The following NETO2 variants were observed in gnomAD, a reference collection of about 807,000 sequenced individuals.
NETO2 encodes neuropilin and tolloid like 2, also known as neuropilin and tolloid-like protein 2.
A neutral mutation model predicts 62.5 loss-of-function variants in NETO2; 28 were observed. That is an observed-to-expected ratio of 0.45 (90% CI 0.33 to 0.61). NETO2 has a LOEUF of 0.61. NETO2 is among the 20% of genes least tolerant of loss of function. The pLI, the probability that NETO2 is intolerant of heterozygous loss-of-function variation, is 0.02. For missense variants in NETO2, 548 were observed against 643.2 expected (o/e 0.85, Z 1.60); for synonymous variants, 214 against 219.1 (o/e 0.98, Z 0.21).
intron 1 of NETO2, among the ~76,000 whole-genome samples, chr16:47,141,105 C>T (rs774057947): frequency 1.3e-5 from 2 of 152,148 alleles, no homozygotes; most frequent in Non-Finnish European, 2.9e-5. Flanking sequence ...ATTCTTTTGT[C>T]TTAATGGCTG....
At chr16:47,088,360 C>A (rs937970229) in intron 7 of NETO2, among the ~76,000 whole-genome samples, 1 of 152,174 alleles carries the variant, frequency 6.6e-6, no homozygotes, top group Non-Finnish European at 1.5e-5. Context: ...CCTGCCTCAG[C>A]CTCCCAAAGT....
At chr16:47,108,175 G>A (rs1363364311) in intron 7 of NETO2, among the ~76,000 whole-genome samples, 2 of 152,074 alleles carry the variant, frequency 1.3e-5, no homozygotes, top group African/African-American at 4.8e-5. Context: ...TGAGGAAAAA[G>A]GGATAGTTTT....
intron 8 of NETO2, 130 bp from the exon 9 acceptor site, chr16:47,083,931 A>G: frequency 1.5e-6 from 1 of 663,228 alleles, no homozygotes; most frequent in Non-Finnish European, 2.5e-6. Flanking sequence ...TGCAATTTAC[A>G]ATTAGGTTTT....
intron 8 of NETO2, among the ~76,000 whole-genome samples, chr16:47,085,475 G>A (rs1202091993): frequency 1.3e-5 from 2 of 151,880 alleles, no homozygotes; most frequent in South Asian, 2.1e-4. Context: ...TCTGCCTGCC[G>A]AGTTCAAGCA....
chr16:47,098,259 C>T (rs369794905), intron 7 of NETO2, among the ~76,000 whole-genome samples: 83 of 152,128 alleles, frequency 5.5e-4, no homozygotes, highest in African/African-American at 1.9e-3. Context: ...TAACCCAATG[C>T]AAGGAAGCTA....
chr16:47,129,986 A>C (rs528926534), intron 2 of NETO2, among the ~76,000 whole-genome samples: 1 of 152,252 alleles, frequency 6.6e-6, no homozygotes, highest in Non-Finnish European at 1.5e-5. Context: ...AAGTCTGTTT[A>C]GAATGAGTTG....
chr16:47,122,126 C>A (rs1964051454), intron 6 of NETO2, among the ~76,000 whole-genome samples: 1 of 152,172 alleles, frequency 6.6e-6, no homozygotes, highest in African/African-American at 2.4e-5. Flanking sequence ...GCAAAAGTAT[C>A]CAATCTCAAT....
rs752836648 is a variant in NETO2, at chr16:47,128,505, G to A, written c.301C>T (p.Arg101Trp). ...TCTCGAACTTCCAAGTGATCAAACC[G>A]ACACTCAAATGATGGTTCTATATAA... ...HYYIEPSFECRFDHLEVRDGP... is the reference protein window; with the variant it reads ...HYYIEPSFECWFDHLEVRDGP... The change falls in exon 4 of 9, where the codon CGG becomes TGG. Residue 101 changes from arginine (R) to tryptophan (W), a missense_variant. Transcript: ENST00000562435. 7 of 1,613,752 alleles carry A rather than the reference G, an allele frequency of 4.3e-6. No individual in the cohort carries two copies. The highest frequency in any genetic ancestry group is 2.2e-5 in the South Asian group (2 of 91,070).
chr16:47,122,409 T>C (rs1964059858), intron 6 of NETO2, among the ~76,000 whole-genome samples: 1 of 152,182 alleles, frequency 6.6e-6, no homozygotes, highest in African/African-American at 2.4e-5. Context: ...TCTTAATCTT[T>C]TATAATTGAG....
In NETO2 at chr16:47,086,249, G is replaced by A. The variant is rs1479411040; in HGVS notation, c.974C>T (p.Pro325Leu). 6.2e-7 allele frequency: 1 copy of A among 1,609,774 alleles called. No homozygotes were observed. Among genetic ancestry groups the A allele is most frequent in the Admixed American group, 1.7e-5 (1 of 60,024 alleles). The change falls in exon 8 of 9, where the codon CCT becomes CTT. Residue 325 changes from proline to leucine, a missense_variant. Coordinates refer to ENST00000562435, the MANE Select transcript of NETO2 (RefSeq NM_018092.5). Reference protein sequence around the residue: ...VCNGVQNCAYPWDENHCKEKK... With the variant: ...VCNGVQNCAYLWDENHCKEKK... ...ACCTTTACAATGATTTTCATCCCAAGGGTATGCACAATTTTGGACACCATT... is the reference window on the plus strand; with the variant it reads ...ACCTTTACAATGATTTTCATCCCAAAGGTATGCACAATTTTGGACACCATT...
intron 4 of NETO2, among the ~76,000 whole-genome samples, chr16:47,126,722 T>C (rs1412668140): frequency 6.6e-6 from 1 of 152,220 alleles, no homozygotes; most frequent in Non-Finnish European, 1.5e-5. Context: ...AGGAGGCTTA[T>C]GGTAACTCTA....
At chr16:47,113,001 A>T (rs1429016248) in intron 6 of NETO2, among the ~76,000 whole-genome samples, 1 of 152,174 alleles carries the variant, frequency 6.6e-6, no homozygotes, top group Non-Finnish European at 1.5e-5. Flanking sequence ...CCATTCTCCT[A>T]TTGGGCATTT....
Position 47,129,336 on chromosome 16 carries a change from A to G in NETO2, c.120T>C (p.Ile40=). Residue 40 remains isoleucine (I), a synonymous_variant, in exon 3 of 9, where the codon ATT becomes ATC. Transcript: ENST00000562435. ...CCCAAATGCCACACTGGGTTGCAGG[A>G]ATATGCTTGATTCCAATATTTTGTC... ...QDGQNIGIKH[I]PATQCGIWVR... 6.2e-7 allele frequency: 1 copy of G among 1,614,026 alleles called. No individual in the cohort carries two copies. The highest frequency in any genetic ancestry group is 8.5e-7 in the Non-Finnish European group (1 of 1,179,958).
chr16:47,118,388 C>T (rs937081905), intron 6 of NETO2, among the ~76,000 whole-genome samples: 9 of 152,214 alleles, frequency 5.9e-5, no homozygotes, highest in Admixed American at 5.9e-4. Context: ...CTTCCCTGCT[C>T]TAGTTCTCTC....
At position 47,143,637 on chromosome 16, in the gene NETO2, C is replaced by G; in HGVS notation, c.-25G>C. 8.2e-7 allele frequency: 1 copy of G among 1,220,412 alleles called. No individual in the cohort carries two copies. Among genetic ancestry groups the G allele is most frequent in the Non-Finnish European group, 1.0e-6 (1 of 977,402 alleles). 75.6% of individuals were successfully genotyped at this position (1,220,412 alleles called of 1,614,324 possible). A position where few individuals can be genotyped will look rare whatever the true frequency, so the allele number is the denominator to read the frequency against. On this transcript the variant is annotated 5_prime_UTR_variant, in exon 1 of 9. Transcript: ENST00000562435. ...TGTTCCCGAGCTGCCCGGCGCTTCG[C>G]GAAGGGCTGAGGTAGCGGCGGCGGT...
At chr16:47,132,625 A>G (rs1427210025) in intron 1 of NETO2, among the ~76,000 whole-genome samples, 1 of 152,210 alleles carries the variant, frequency 6.6e-6, no homozygotes, top group Non-Finnish European at 1.5e-5. Flanking sequence ...AATCAACAAC[A>G]TATTGAATTG....
chr16:47,115,295 G>A (rs1327691973), intron 6 of NETO2, among the ~76,000 whole-genome samples: 1 of 152,028 alleles, frequency 6.6e-6, no homozygotes, highest in Non-Finnish European at 1.5e-5. Flanking sequence ...GATTGAAATT[G>A]TATTCATCTG....
chr16:47,141,535 T>A (rs567164797), intron 1 of NETO2, among the ~76,000 whole-genome samples: 1 of 152,234 alleles, frequency 6.6e-6, no homozygotes, highest in Non-Finnish European at 1.5e-5. Context: ...TTCATTCCTG[T>A]CTTTTAATCC....
intron 2 of NETO2, among the ~76,000 whole-genome samples, chr16:47,130,060 A>C (rs1472127263): frequency 3.9e-5 from 6 of 152,182 alleles, no homozygotes; most frequent in African/African-American, 7.2e-5. Flanking sequence ...AGAACACTAA[A>C]GGTGATTTCT....
Sources: gnomAD v4.1 joint callset for allele counts (sites outside exome capture counted in the v4.1 genomes callset) on GRCh38, gnomAD v4.1.1 for gene constraint, MANE v1.5 for transcripts, NCBI Gene and HGNC (gene_info 2026-07-23, HGNC 2026-07-21) for gene names.